The following ALKBH1 variants were observed in gnomAD, a reference collection of about 807,000 sequenced individuals.
ALKBH1 encodes the protein alkB homolog 1, histone H2A dioxygenase, also known as nucleic acid dioxygenase ALKBH1.
ALKBH1 carries 31 observed loss-of-function variants against 36.6 expected under a neutral mutation model. That is an observed-to-expected ratio of 0.85 (90% CI 0.64 to 1.14). ALKBH1 has a LOEUF of 1.14. Among genes scored for constraint, ALKBH1 ranks in the 50% most tolerant of loss-of-function variants. The pLI is 0.00. For missense variants in ALKBH1, 490 were observed against 497.3 expected (o/e 0.99, Z 0.14); for synonymous variants, 183 against 186.6 (o/e 0.98, Z 0.16).
Position 77,694,634 on chromosome 14 carries a change from AC to A in ALKBH1, c.455+103del, listed in dbSNP as rs971936754. On this transcript the variant is annotated intron_variant, in intron 3 of 5. Transcript: ENST00000216489. The stretch of plus-strand genomic sequence containing the variant: ...TTGGAAACAATGAAGGGAAAAAAAA[AC>A]CCAGCCAGTCACTTTTACTGCATTG... 5 of 975,714 alleles carry A rather than the reference AC, an allele frequency of 5.1e-6. No individual in the cohort carries two copies. In the African/African-American group the frequency reaches 8.4e-5, roughly 16 times the overall value. The allele number at this position is 975,714 out of a possible 1,614,324, so 60.4% of individuals were successfully genotyped here.
intron 3 of ALKBH1, among the ~76,000 whole-genome samples, chr14:77,693,242 G>A (rs2080308361): frequency 6.7e-6 from 1 of 149,308 alleles, no homozygotes; most frequent in Non-Finnish European, 1.5e-5. Flanking sequence ...TCATAGAGAT[G>A]GGGTCTTGCT....
intron 2 of ALKBH1, among the ~76,000 whole-genome samples, chr14:77,703,154 A>T (rs1198294068): frequency 6.6e-6 from 1 of 151,894 alleles, no homozygotes; most frequent in African/African-American, 2.4e-5. Flanking sequence ...GGAAAAAAAA[A>T]TTTTGTTTTG....
In ALKBH1 at chr14:77,694,919, G is replaced by T; in HGVS notation, c.293-19C>A. 6.8e-7 allele frequency: 1 copy of T among 1,463,006 alleles called. No individual in the cohort carries two copies. Among genetic ancestry groups the T allele is most frequent in the South Asian group, 1.6e-5 (1 of 64,382 alleles). The allele number at this position is 1,463,006 out of a possible 1,614,324, so 90.6% of individuals were successfully genotyped here. A position where few individuals can be genotyped will look rare whatever the true frequency, so the allele number is the denominator to read the frequency against. ...ATAAACCCTATACAAAAGATGGGTG[G>T]GAAAAAAAGAAGAGGGGGAAATTCT... On this transcript the variant is annotated intron_variant, in intron 2 of 5. Coordinates refer to ENST00000216489, the MANE Select transcript of ALKBH1 (RefSeq NM_006020.3).
intron 2 of ALKBH1, among the ~76,000 whole-genome samples, chr14:77,700,831 T>G (rs1216410478): frequency 6.6e-6 from 1 of 152,118 alleles, no homozygotes; most frequent in Non-Finnish European, 1.5e-5. Context: ...TTCAGGTCTG[T>G]AATCCCAGCA....
At chr14:77,686,920 C>T (rs1289582549) in intron 3 of ALKBH1, among the ~76,000 whole-genome samples, 1 of 152,182 alleles carries the variant, frequency 6.6e-6, no homozygotes. Flanking sequence ...CTGTGCCTGG[C>T]CACCCCATTC....
chr14:77,676,428 C>T lies in ALKBH1; in HGVS notation c.547-579G>A, dbSNP rs78475803. Among the ~76,000 whole-genome samples, 882 of 152,262 alleles carry T rather than the reference C, an allele frequency of 5.8e-3. 15 individuals are homozygous for T. Among genetic ancestry groups the T allele is most frequent in the African/African-American group, 0.02 (821 of 41,540 alleles). ...TCCACCACCCTCTAGTTAGTATACT[C>T]TATCTGTAAATGAGACAGTTCTATT... is the stretch of plus-strand genomic sequence containing the variant. On this transcript the variant is annotated intron_variant, in intron 4 of 5. Transcript: ENST00000216489.
intron 4 of ALKBH1, among the ~76,000 whole-genome samples, chr14:77,677,218 T>TTAG (rs1188216895): frequency 6.6e-6 from 1 of 151,834 alleles, no homozygotes; most frequent in Non-Finnish European, 1.5e-5. Context: ...TTTTGTATTT[T>TTAG]TAGTAGGAAC....
intron 1 of ALKBH1, among the ~76,000 whole-genome samples, chr14:77,705,408 T>TGAGAAAAAAA (rs1475359823): frequency 3.5e-5 from 2 of 57,488 alleles, no homozygotes. Context: ...AGACTCCGTC[T>TGAGAAAAAAA]AAGAAAAAAA....
intron 4 of ALKBH1, among the ~76,000 whole-genome samples, chr14:77,679,553 CTT>C (rs2080225279): frequency 6.6e-6 from 1 of 152,148 alleles, no homozygotes; most frequent in Non-Finnish European, 1.5e-5. Flanking sequence ...ACCTCAGCCT[CTT>C]GAGTAGCTGG....
rs2080269299 is a variant in ALKBH1, at chr14:77,686,545, G to A, written c.456-6575C>T. 3.3e-5 allele frequency among the ~76,000 whole-genome samples: 5 copies of A among 152,318 alleles called. No individual in the cohort carries two copies. In the South Asian group the frequency reaches 6.2e-4, roughly 19 times the overall value. On this transcript the variant is annotated intron_variant, in intron 3 of 5. Coordinates refer to ENST00000216489, the MANE Select transcript of ALKBH1 (RefSeq NM_006020.3). The stretch of plus-strand genomic sequence containing the variant: ...GGTGGGTTGGCCACCTTCTCCCCTG[G>A]TGAATGTGCTCATACAGCAGTTTGC...
chr14:77,701,979 A>G (rs2080361739), intron 2 of ALKBH1, among the ~76,000 whole-genome samples: 1 of 152,154 alleles, frequency 6.6e-6, no homozygotes, highest in Non-Finnish European at 1.5e-5. Flanking sequence ...GAAAGCCTAG[A>G]GCAACAGAGA....
Position 77,694,257 on chromosome 14 carries a change from G to A in ALKBH1, c.455+481C>T, listed in dbSNP as rs533820284. ...CTACTGACCCTCATTAAGTATTTGT[G>A]GAATGAATGAATGAATGTTGAAGCA... On this transcript the variant is annotated intron_variant, in intron 3 of 5. Transcript: ENST00000216489. Among the ~76,000 whole-genome samples the A allele has an allele frequency of 1.4e-4, 21 of 152,202 alleles. No homozygotes were observed. The South Asian group carries it at 4.1e-3, about 30-fold the overall frequency.
chr14:77,674,137 C>G lies in ALKBH1; in HGVS notation c.845G>C (p.Ser282Thr). The G allele has an allele frequency of 1.9e-6, 3 of 1,614,214 alleles. No individual in the cohort carries two copies. The highest frequency in any genetic ancestry group is 2.5e-6 in the Non-Finnish European group (3 of 1,180,044). ...AGGGACTGCGTGGTTCAAGAGGCGG[C>G]TGAAACCCGACATTATCATGATGTC... ...SGDIMIMSGF[S>T]RLLNHAVPRV... The change falls in exon 6 of 6, where the codon AGC (serine) becomes ACC (threonine). Residue 282 changes from serine to threonine, a missense_variant. Transcript: ENST00000216489.
At position 77,673,908 on chromosome 14, in the gene ALKBH1, G is replaced by A. The variant is rs1273027667; in HGVS notation, c.1074C>T (p.Ile358=). 31 of 1,613,796 alleles carry A rather than the reference G, an allele frequency of 1.9e-5. No homozygotes were observed. The highest frequency in any genetic ancestry group is 2.4e-5 in the Non-Finnish European group (28 of 1,179,990). The change falls in exon 6 of 6, where the codon ATC becomes ATT. Residue 358 remains isoleucine (I), a synonymous_variant. Coordinates refer to ENST00000216489, the MANE Select transcript of ALKBH1 (RefSeq NM_006020.3). The part of the protein sequence containing the change: ...ATDQNFPLEP[I]EDEKRDISTE... Reference sequence around the variant, plus strand: ...TACTGATGTCTCTTTTTTCATCCTCGATGGGTTCTAGAGGGAAATTCTGGT... The same window carrying A: ...TACTGATGTCTCTTTTTTCATCCTCAATGGGTTCTAGAGGGAAATTCTGGT...
intron 3 of ALKBH1, among the ~76,000 whole-genome samples, chr14:77,693,827 AAAT>A (rs373115544): frequency 6.6e-6 from 1 of 152,060 alleles, no homozygotes; most frequent in African/African-American, 2.4e-5. Context: ...TCTCTACTAA[AAAT>A]ACAAAAATTG....
At position 77,694,739 on chromosome 14, in the gene ALKBH1, T is replaced by G. The variant is rs201927341; in HGVS notation, c.454A>C (p.Arg152=). 1 of 1,582,712 alleles carries G rather than the reference T, an allele frequency of 6.3e-7. No individual in the cohort carries two copies. The highest frequency in any genetic ancestry group is 8.6e-7 in the Non-Finnish European group (1 of 1,167,490). The change falls in exon 3 of 6, where the codon AGG becomes CGG. Residue 152 remains arginine, a splice_region_variant and synonymous_variant. Coordinates refer to ENST00000216489, the MANE Select transcript of ALKBH1 (RefSeq NM_006020.3). ...DLWEQSKEFL[R]YKEATKRRPR... ...TTCATTCTGATTGACAAGACTTACCTCAGGAACTCTTTGCTCTGTTCCCAC... is the reference window on the plus strand; with the variant it reads ...TTCATTCTGATTGACAAGACTTACCGCAGGAACTCTTTGCTCTGTTCCCAC...
At chr14:77,682,555 T>C (rs1005890331) in intron 3 of ALKBH1, among the ~76,000 whole-genome samples, 3 of 152,170 alleles carry the variant, frequency 2.0e-5, no homozygotes, top group Non-Finnish European at 4.4e-5. Flanking sequence ...CTTATGAATA[T>C]TGAAGCTATG....
In ALKBH1 at chr14:77,674,206, A is replaced by C; in HGVS notation, c.776T>G (p.Leu259Arg). The C allele has an allele frequency of 6.2e-7, 1 of 1,611,862 alleles. No homozygotes were observed. The highest frequency in any genetic ancestry group is 1.3e-5 in the African/African-American group (1 of 75,012). ...GGCCGTGGGGGCCTCATCCCTTTGA[A>C]GACCACCCAGGAGAAAGATGGCGGA... The part of the protein sequence containing the change: ...GQSAIFLLGG[L>R]QRDEAPTAMF... Residue 259 changes from leucine to arginine, a missense_variant, in exon 6 of 6, where the codon CTT becomes CGT. Transcript: ENST00000216489.
At chr14:77,693,832 CA>C (rs1294167993) in intron 3 of ALKBH1, among the ~76,000 whole-genome samples, 1 of 151,948 alleles carries the variant, frequency 6.6e-6, no homozygotes, top group Non-Finnish European at 1.5e-5. Flanking sequence ...ACTAAAAATA[CA>C]AAAATTGGTG....
Sources: gnomAD v4.1 joint callset for allele counts (sites outside exome capture counted in the v4.1 genomes callset) on GRCh38, gnomAD v4.1.1 for gene constraint, MANE v1.5 for transcripts, NCBI Gene and HGNC (gene_info 2026-07-23, HGNC 2026-07-21) for gene names.